DENND2A: variants seen among roughly 807,000 people sequenced by gnomAD.
DENND2A encodes the protein DENN domain-containing protein 2A.
In DENND2A, 53 loss-of-function variants were observed where a neutral mutation model predicts 105.3. The observed-to-expected ratio is 0.50, with a 90% CI of 0.40 to 0.63. The LOEUF (loss-of-function observed/expected upper bound fraction) is 0.63. Ranked by LOEUF, DENND2A falls within the 30% of genes least tolerant of loss-of-function variation. The probability of loss-of-function intolerance (pLI) is 0.00; values close to 1 mark genes in which losing one functional copy is unlikely to be tolerated. For synonymous variants in DENND2A, 522 were observed against 508.4 expected (o/e 1.03, Z -0.36); for missense variants, 1,138 against 1,279.6 (o/e 0.89, Z 1.69).
chr7:140,616,940 C>T (rs1284242888), intron 1 of DENND2A, among the ~76,000 whole-genome samples: 1 of 152,208 alleles, frequency 6.6e-6, no homozygotes, highest in Non-Finnish European at 1.5e-5. Context: ...TCACTGCAAC[C>T]TCTGCCACCC....
chr7:140,546,703 T>C (rs1796923266), intron 13 of DENND2A, 96 bp downstream of exon 13: 4 of 1,483,194 alleles, frequency 2.7e-6, no homozygotes, highest in Non-Finnish European at 1.8e-6. Context: ...ACCAAGGAAT[T>C]GGACTGCTCA....
intron 6 of DENND2A, among the ~76,000 whole-genome samples, chr7:140,571,303 T>G (rs544086945): frequency 1.3e-5 from 2 of 151,860 alleles, no homozygotes; most frequent in Non-Finnish European, 2.9e-5. Context: ...GGATTACAGG[T>G]GTGTGCCACC....
intron 19 of DENND2A, 107 bp downstream of exon 19, chr7:140,519,525 G>A (rs1040976490): frequency 1.2e-5 from 11 of 922,788 alleles, no homozygotes; most frequent in Non-Finnish European, 1.9e-5. Flanking sequence ...AGGCCGTAGA[G>A]CTCTGCATTA....
At chr7:140,638,192 G>A (rs1391667096) in intron 1 of DENND2A, among the ~76,000 whole-genome samples, 2 of 151,964 alleles carry the variant, frequency 1.3e-5, no homozygotes, top group Non-Finnish European at 2.9e-5. Flanking sequence ...GCTTTCTGTT[G>A]TCCAAAATCC....
intron 10 of DENND2A, 92 bp from the exon 11 acceptor site, chr7:140,558,304 TG>T: frequency 1.1e-6 from 1 of 948,582 alleles, no homozygotes; most frequent in Non-Finnish European, 1.6e-6. Flanking sequence ...TGAGCAGCCA[TG>T]GGACACACTG....
chr7:140,614,682 C>T (rs1585759734), intron 1 of DENND2A, among the ~76,000 whole-genome samples: 1 of 152,090 alleles, frequency 6.6e-6, no homozygotes, highest in African/African-American at 2.4e-5. Flanking sequence ...TACAGTAGAA[C>T]AAAAATAGCT....
At chr7:140,637,674 G>A (rs1801000955) in intron 1 of DENND2A, among the ~76,000 whole-genome samples, 1 of 152,182 alleles carries the variant, frequency 6.6e-6, no homozygotes, top group South Asian at 2.1e-4. Flanking sequence ...TTGCCCATAT[G>A]AATGGAATCC....
In DENND2A at chr7:140,524,836, C is replaced by G. The variant is rs540852102; in HGVS notation, c.2547+915G>C. 9.8e-3 allele frequency among the ~76,000 whole-genome samples: 1,484 copies of G among 151,926 alleles called. 38 individuals carry two copies. Among genetic ancestry groups the G allele is most frequent in the African/African-American group, 0.034 (1,395 of 41,392 alleles). ...GGCTCAAGTGATCCTCCTGCCTCAG[C>G]CTCTGGAGGTGCTGGGATTGTAAGT... On this transcript the variant is annotated intron_variant, in intron 16 of 19. Transcript: ENST00000496613.
chr7:140,552,572 A>G (rs1285960170), intron 12 of DENND2A, among the ~76,000 whole-genome samples: 4 of 151,674 alleles, frequency 2.6e-5, no homozygotes, highest in Non-Finnish European at 5.9e-5. Flanking sequence ...ATTTTTTTGT[A>G]TTTTTTGTAG....
At chr7:140,638,400 A>C (rs919812565) in intron 1 of DENND2A, among the ~76,000 whole-genome samples, 1 of 152,126 alleles carries the variant, frequency 6.6e-6, no homozygotes, top group Admixed American at 6.5e-5. Context: ...TCTGTGCCCA[A>C]ACCAGTCACC....
At chr7:140,601,354 A>G in intron 3 of DENND2A, 49 bp downstream of exon 3, 1 of 1,529,748 alleles carries the variant, frequency 6.5e-7, no homozygotes, top group Non-Finnish European at 8.8e-7. Context: ...GACACAAACC[A>G]CTGAGAGAGT....
chr7:140,526,960 G>A (rs948755809), intron 15 of DENND2A, among the ~76,000 whole-genome samples: 5 of 152,128 alleles, frequency 3.3e-5, no homozygotes, highest in Admixed American at 2.6e-4. Flanking sequence ...ATATGACAAC[G>A]GACCAGATCT....
At chr7:140,564,665 A>T (rs1797763213) in intron 9 of DENND2A, among the ~76,000 whole-genome samples, 1 of 152,156 alleles carries the variant, frequency 6.6e-6, no homozygotes, top group Non-Finnish European at 1.5e-5. Flanking sequence ...GTGCAACTTT[A>T]CTCTAGAAAA....
At chr7:140,570,897 C>A (rs1173013602) in intron 6 of DENND2A, among the ~76,000 whole-genome samples, 1 of 152,194 alleles carries the variant, frequency 6.6e-6, no homozygotes, top group Admixed American at 6.5e-5. Context: ...CCTCTTCTTG[C>A]GTGAGAAGCT....
chr7:140,522,195 T>C, intron 17 of DENND2A, 95 bp from the exon 18 acceptor site: 4 of 1,481,858 alleles, frequency 2.7e-6, no homozygotes, highest in Non-Finnish European at 2.7e-6. Flanking sequence ...GAACAGTAAC[T>C]GCTAGTTCCC....
intron 1 of DENND2A, among the ~76,000 whole-genome samples, chr7:140,637,444 T>C (rs2130748282): frequency 6.6e-6 from 1 of 152,340 alleles, no homozygotes; most frequent in East Asian, 1.9e-4. Context: ...AGGAGATCTG[T>C]GCCTGAGTCT....
At chr7:140,547,276 T>C (rs574229148) in intron 12 of DENND2A, among the ~76,000 whole-genome samples, 1 of 152,352 alleles carries the variant, frequency 6.6e-6, no homozygotes, top group Admixed American at 6.5e-5. Flanking sequence ...GGGTAAGAAC[T>C]GGTTTTTGGG....
chr7:140,546,177 T>G (rs780233438), intron 13 of DENND2A, among the ~76,000 whole-genome samples: 2 of 151,984 alleles, frequency 1.3e-5, no homozygotes, highest in Admixed American at 6.6e-5. Flanking sequence ...CCTAGCACTT[T>G]GGGAGGCTGA....
At chr7:140,615,642 A>G (rs570390132) in intron 1 of DENND2A, among the ~76,000 whole-genome samples, 24 of 151,724 alleles carry the variant, frequency 1.6e-4, no homozygotes, top group African/African-American at 5.8e-4. Context: ...GGTTCAAGCA[A>G]TCCTGCCTCA....
Sources: gnomAD v4.1 joint callset for allele counts (sites outside exome capture counted in the v4.1 genomes callset) on GRCh38, gnomAD v4.1.1 for gene constraint, MANE v1.5 for transcripts, NCBI Gene and HGNC (gene_info 2026-07-23, HGNC 2026-07-21) for gene names.